Variants in DCDC1 observed in about 807,000 individuals in gnomAD.
DCDC1 encodes the protein doublecortin domain-containing protein 1.
In DCDC1, 200 loss-of-function variants were observed where a neutral mutation model predicts 178.3. That is an observed-to-expected ratio of 1.12 (90% confidence interval 1.00 to 1.26). DCDC1 has a LOEUF of 1.26. Among genes scored for constraint, DCDC1 ranks in the 50% most tolerant of loss-of-function variants. The pLI is 0.00. For missense variants in DCDC1, 1,983 were observed against 1,749.2 expected, an observed-to-expected ratio of 1.13 and a Z score of -2.38; for synonymous variants, 690 against 604.8, an observed-to-expected ratio of 1.14 and a Z score of -2.07.
intron 7 of DCDC1, among the ~76,000 whole-genome samples, chr11:31,269,847 C>T (rs1945431256): frequency 1.3e-5 from 2 of 152,200 alleles, no homozygotes; most frequent in South Asian, 2.1e-4. Context: ...GTCATCTCCA[C>T]ATCCAGACAT....
chr11:30,925,350 TC>T lies in DCDC1; in HGVS notation c.2955del (p.Lys986ArgfsTer6), dbSNP rs1227903903. ...AGGTCTTTTAAGGCAAATATTTCCT[TC>T]CCCTTTTCATTGTACAATCTCCGAG... ...SAARRLYNEK[G>X]KEIFALKDLQ... On this transcript the variant is annotated frameshift_variant, in exon 23 of 39. Coordinates refer to ENST00000684477, the MANE Select transcript of DCDC1 (RefSeq NM_001387274.1). LOFTEE classifies it high-confidence loss of function. The T allele has an allele frequency of 1.9e-6, 3 of 1,613,678 alleles. No homozygotes were observed. In the African/African-American group the frequency reaches 4.0e-5, roughly 22 times the overall value.
intron 20 of DCDC1, among the ~76,000 whole-genome samples, chr11:31,014,428 C>G (rs1952359578): frequency 6.6e-6 from 1 of 152,080 alleles, no homozygotes; most frequent in Non-Finnish European, 1.5e-5. Flanking sequence ...TCCAGCCCCA[C>G]TCAAGCATTC....
At chr11:31,346,476 AAAAAAAAAAAAAG>A (rs934067603) in intron 1 of DCDC1, among the ~76,000 whole-genome samples, 1 of 151,360 alleles carries the variant, frequency 6.6e-6, no homozygotes, top group Admixed American at 6.6e-5. Context: ...AAAAAAAAAA[AAAAAAAAAAAAAG>A]AAATCATTTC....
At chr11:31,082,242 C>T (rs1957223147) in intron 17 of DCDC1, among the ~76,000 whole-genome samples, 1 of 152,126 alleles carries the variant, frequency 6.6e-6, no homozygotes, top group Admixed American at 6.5e-5. Flanking sequence ...CTAACGTTAA[C>T]TAGACATATG....
chr11:30,946,812 G>C (rs1380423845), intron 21 of DCDC1, among the ~76,000 whole-genome samples: 1 of 152,122 alleles, frequency 6.6e-6, no homozygotes, highest in Non-Finnish European at 1.5e-5. Context: ...TTACATACTA[G>C]AGATCCAGAG....
intron 20 of DCDC1, among the ~76,000 whole-genome samples, chr11:30,978,013 G>A (rs1950193069): frequency 6.6e-6 from 1 of 152,212 alleles, no homozygotes; most frequent in Non-Finnish European, 1.5e-5. Flanking sequence ...TTGCCATATT[G>A]TTCTCTAAAG....
chr11:31,101,485 A>G (rs1186543418), intron 15 of DCDC1, among the ~76,000 whole-genome samples: 2 of 152,154 alleles, frequency 1.3e-5, no homozygotes, highest in Non-Finnish European at 2.9e-5. Context: ...CCTTAGATGC[A>G]TTGACCTGTA....
chr11:31,257,935 G>C (rs775212563), intron 8 of DCDC1, among the ~76,000 whole-genome samples: 1 of 152,124 alleles, frequency 6.6e-6, no homozygotes, highest in Non-Finnish European at 1.5e-5. Flanking sequence ...ATCCCCTAGA[G>C]GAGACAGTAT....
intron 3 of DCDC1, among the ~76,000 whole-genome samples, chr11:31,321,436 C>G (rs1158000794): frequency 6.6e-6 from 1 of 151,316 alleles, no homozygotes; most frequent in Non-Finnish European, 1.5e-5. Flanking sequence ...GTCCGTCACC[C>G]CTTTCTTTGA....
intron 18 of DCDC1, among the ~76,000 whole-genome samples, chr11:31,075,089 A>C (rs1451711536): frequency 6.6e-6 from 1 of 152,048 alleles, no homozygotes; most frequent in Non-Finnish European, 1.5e-5. Flanking sequence ...ATCATTCTAC[A>C]CTCTATGTCC....
rs781418906 is a variant in DCDC1 at position 30,903,618 on chromosome 11, A to G, written c.4374T>C (p.Asp1458=). The G allele has an allele frequency of 3.1e-6, 5 of 1,611,568 alleles. No homozygotes were observed. The highest frequency in any genetic ancestry group is 2.7e-5 in the African/African-American group (2 of 74,874). ...ARAASKVYTK[D]GTPIFTLRDL... ...CACGCAAGGTAAAGATTGGGGTTCC[A>G]TCTTTGGTATATACTTTGGAGGCTG... Residue 1458 remains aspartate, a synonymous_variant, in exon 32 of 39, where the codon GAT becomes GAC. Transcript: ENST00000684477.
chr11:31,016,855 GCACAAGAGTTTGGAAAC>G (rs1952510790), intron 20 of DCDC1, among the ~76,000 whole-genome samples: 1 of 152,166 alleles, frequency 6.6e-6, no homozygotes, highest in Non-Finnish European at 1.5e-5. Flanking sequence ...ATTCTAATAT[GCACAAGAGTTTGGAAAC>G]CACTGTCATA....
In DCDC1 at chr11:30,896,504, T is replaced by C. The variant is rs780173524; in HGVS notation, c.4766-2120A>G. On this transcript the variant is annotated intron_variant, in intron 34 of 38. Transcript: ENST00000684477. The stretch of plus-strand genomic sequence containing the variant: ...ACAGCTCTCCCCATTCGCTGTCTTA[T>C]TGGGAGGCCCACCCTTATTCAGAAT... Among the ~76,000 whole-genome samples the C allele has an allele frequency of 2.6e-5, 4 of 152,224 alleles. No individual in the cohort carries two copies. The South Asian group carries it at 6.2e-4, about 24-fold the overall frequency.
chr11:31,299,230 T>A (rs1394366304), intron 6 of DCDC1, among the ~76,000 whole-genome samples: 3 of 152,320 alleles, frequency 2.0e-5, no homozygotes, highest in Non-Finnish European at 4.4e-5. Context: ...GCATGATGGC[T>A]ATATTTAACT....
intron 20 of DCDC1, among the ~76,000 whole-genome samples, chr11:31,036,425 A>G (rs994003143): frequency 2.0e-5 from 3 of 152,144 alleles, no homozygotes; most frequent in Non-Finnish European, 2.9e-5. Flanking sequence ...TCATTTTGAA[A>G]AAGTCATCAC....
chr11:31,365,626 T>C (rs1951919783), intron 1 of DCDC1, among the ~76,000 whole-genome samples: 1 of 152,118 alleles, frequency 6.6e-6, no homozygotes, highest in Admixed American at 6.6e-5. Context: ...TAGACGTTAG[T>C]TTACGGGCAG....
At chr11:31,238,814 C>T (rs1976760176) in intron 9 of DCDC1, among the ~76,000 whole-genome samples, 2 of 152,158 alleles carry the variant, frequency 1.3e-5, no homozygotes, top group African/African-American at 4.8e-5. Context: ...TGACTTTGTG[C>T]TGTTCTAAAT....
At position 31,115,986 on chromosome 11, in the gene DCDC1, G is replaced by A. The variant is rs1027524755; in HGVS notation, c.1486-5625C>T. 4.0e-4 allele frequency among the ~76,000 whole-genome samples: 54 copies of A among 136,324 alleles called. 5 individuals carry two copies. Among genetic ancestry groups the A allele is most frequent in the African/African-American group, 1.4e-3 (52 of 38,506 alleles). 89.4% of individuals were successfully genotyped at this position (136,324 alleles called of 152,430 possible). A position where few individuals can be genotyped will look rare whatever the true frequency, so the allele number is the denominator to read the frequency against. ...GAAGGATATAGCTGTGGCAGTGGGG[G>A]GGGGGGGGATGGGTATCTCAGTCCT... On this transcript the variant is annotated intron_variant, in intron 11 of 38. Coordinates refer to ENST00000684477, the MANE Select transcript of DCDC1 (RefSeq NM_001387274.1).
intron 38 of DCDC1, among the ~76,000 whole-genome samples, chr11:30,870,459 T>C (rs1342000469): frequency 1.3e-5 from 2 of 152,216 alleles, no homozygotes; most frequent in Non-Finnish European, 2.9e-5. Context: ...TTGGCAAGTC[T>C]GGCCTTTGAG....
Sources: gnomAD v4.1 joint callset for allele counts (sites outside exome capture counted in the v4.1 genomes callset) on GRCh38, gnomAD v4.1.1 for gene constraint, MANE v1.5 for transcripts, NCBI Gene and HGNC (gene_info 2026-07-23, HGNC 2026-07-21) for gene names.